TARS1: variants seen among roughly 807,000 people sequenced by gnomAD.
The protein encoded by TARS1 is threonyl-tRNA synthetase 1, also known as threonine--tRNA ligase 1, cytoplasmic.
Under a neutral mutation model 97.7 loss-of-function variants are expected in TARS1, and 57 were observed. The observed-to-expected ratio is 0.58, with a 90% CI of 0.47 to 0.73. TARS1 has a LOEUF of 0.73. Among genes scored for constraint, TARS1 ranks in the 30% least tolerant of loss-of-function variants. The pLI, the probability that TARS1 is intolerant of heterozygous loss-of-function variation, is 0.00. For synonymous variants in TARS1, 312 were observed against 293.7 expected, an observed-to-expected ratio of 1.06 and a Z score of -0.64; for missense variants, 806 against 888.3, an observed-to-expected ratio of 0.91 and a Z score of 1.18.
rs1460537460 is a variant in TARS1, at chr5:33,458,660, TTAGGG to T, written c.1082_1083+3del. ...ATTTATAATGCACTTATTGAATTCA[TTAGGG>T]TAAGTCATATTTATTGCTTTCTTCT... On this transcript the variant is annotated splice_donor_variant and coding_sequence_variant, in exon 10 of 19. Transcript: ENST00000265112. LOFTEE classifies it high-confidence loss of function. The T allele has an allele frequency of 3.7e-6, 6 of 1,609,342 alleles. No individual in the cohort carries two copies. Among genetic ancestry groups the T allele is most frequent in the Non-Finnish European group, 5.1e-6 (6 of 1,176,766 alleles).
chr5:33,461,528 G>T, intron 13 of TARS1, 139 bp from the exon 14 acceptor site: 2 of 991,998 alleles, frequency 2.0e-6, no homozygotes, highest in Non-Finnish European at 3.0e-6. Flanking sequence ...GTTGGTATGA[G>T]CATATGTTCA....
In TARS1 at chr5:33,462,156, A is replaced by C; in HGVS notation, c.1788A>C (p.Ser596=). The change falls in exon 16 of 19, where the codon TCA becomes TCC. Residue 596 remains serine, a synonymous_variant. Transcript: ENST00000265112. ...TTGTTCATCGAGCCATCTTGGGATCAGTGGAAAGAATGATTGCTATCCTCA... is the reference window on the plus strand; with the variant it reads ...TTGTTCATCGAGCCATCTTGGGATCCGTGGAAAGAATGATTGCTATCCTCA... The part of the protein sequence containing the change: ...PVIVHRAILG[S]VERMIAILTE... 6.2e-7 allele frequency: 1 copy of C among 1,613,164 alleles called. No homozygotes were observed. The highest frequency in any genetic ancestry group is 8.5e-7 in the Non-Finnish European group (1 of 1,179,922).
At chr5:33,459,901 T>A in intron 11 of TARS1, 40 bp downstream of exon 11, 1 of 1,591,100 alleles carries the variant, frequency 6.3e-7, no homozygotes, top group Non-Finnish European at 8.6e-7. Context: ...GATTTTCACA[T>A]GCTACAATTC....
At chr5:33,464,837 G>T (rs1284541051) in intron 17 of TARS1, among the ~76,000 whole-genome samples, 1 of 152,084 alleles carries the variant, frequency 6.6e-6, no homozygotes, top group East Asian at 1.9e-4. Flanking sequence ...CAGCACTTTG[G>T]GAGGCCGAGG....
At position 33,441,010 on chromosome 5, in the gene TARS1, C is replaced by T. The variant is rs887037584; in HGVS notation, c.-77C>T. On this transcript the variant is annotated 5_prime_UTR_variant, in exon 1 of 19. Transcript: ENST00000265112. ...CCGAGGCCAAGTCCCGGGCGCTAGCCCACCTCCCACCCGCCTCTTGGCTCC... is the reference window on the plus strand; with the variant it reads ...CCGAGGCCAAGTCCCGGGCGCTAGCTCACCTCCCACCCGCCTCTTGGCTCC... 124 of 1,590,578 alleles carry T rather than the reference C, an allele frequency of 7.8e-5. No homozygotes were observed. Among genetic ancestry groups the T allele is most frequent in the Admixed American group, 1.9e-4 (11 of 59,414 alleles).
intron 17 of TARS1, 142 bp from the exon 18 acceptor site, chr5:33,466,729 A>G (rs1399166953): frequency 4.2e-6 from 2 of 481,142 alleles, no homozygotes; most frequent in Admixed American, 4.2e-5. Context: ...AGTGAATAAT[A>G]TTATCTAAGA....
intron 4 of TARS1, among the ~76,000 whole-genome samples, chr5:33,453,911 G>T (rs1219116109): frequency 1.3e-5 from 2 of 151,764 alleles, no homozygotes; most frequent in Admixed American, 1.3e-4. Context: ...GTAGAGATGG[G>T]GTTTCACCAT....
intron 9 of TARS1, among the ~76,000 whole-genome samples, chr5:33,458,096 T>C (rs1742116623): frequency 6.6e-6 from 1 of 152,204 alleles, no homozygotes; most frequent in African/African-American, 2.4e-5. Context: ...GGTGTGTTTC[T>C]TTCACCATGA....
At chr5:33,442,073 A>G (rs746465323) in intron 1 of TARS1, among the ~76,000 whole-genome samples, 12 of 152,220 alleles carry the variant, frequency 7.9e-5, no homozygotes, top group Non-Finnish European at 1.6e-4. Flanking sequence ...GTTAGGCCAC[A>G]TGCAGAAGGC....
chr5:33,443,717 G>T (rs896454134), intron 1 of TARS1, among the ~76,000 whole-genome samples: 1 of 151,842 alleles, frequency 6.6e-6, no homozygotes, highest in African/African-American at 2.4e-5. Flanking sequence ...GGATGGTCTC[G>T]ATCTCCTGAC....
At position 33,461,895 on chromosome 5, in the gene TARS1, T is replaced by G; in HGVS notation, c.1630-11T>G. ...CTGGCATTTTATAATAACCCAGTCT[T>G]TGCTTCTTAGATTGACATACAGATT... On this transcript the variant is annotated splice_polypyrimidine_tract_variant and intron_variant, in intron 14 of 18. Coordinates refer to ENST00000265112, the MANE Select transcript of TARS1 (RefSeq NM_152295.5). The G allele has an allele frequency of 6.2e-7, 1 of 1,611,140 alleles. No homozygotes were observed. The highest frequency in any genetic ancestry group is 1.1e-5 in the South Asian group (1 of 91,004).
rs577702846 is a variant in TARS1 at position 33,448,879 on chromosome 5, A to T, written c.329+148A>T. 3.0e-5 allele frequency: 18 copies of T among 598,564 alleles called. No individual in the cohort carries two copies. In the East Asian group the frequency reaches 3.6e-4, roughly 12 times the overall value. 37.1% of individuals were successfully genotyped at this position (598,564 alleles called of 1,614,324 possible). ...TAATTTTGCCTACTTGAGATTTTTTAAAAATCAAAATGATACAGAGCTTTG... is the reference window on the plus strand; with the variant it reads ...TAATTTTGCCTACTTGAGATTTTTTTAAAATCAAAATGATACAGAGCTTTG... On this transcript the variant is annotated intron_variant, in intron 3 of 18. Coordinates refer to ENST00000265112, the MANE Select transcript of TARS1 (RefSeq NM_152295.5).
In TARS1 at chr5:33,461,912, A is replaced by G. The variant is rs72737350; in HGVS notation, c.1636A>G (p.Ile546Val). ...DGAFYGPKID[I>V]QIKDAIGRYH... Reference sequence around the variant, plus strand: ...CCCAGTCTTTGCTTCTTAGATTGACATACAGATTAAAGATGCGATTGGGCG... The same window carrying G: ...CCCAGTCTTTGCTTCTTAGATTGACGTACAGATTAAAGATGCGATTGGGCG... The change falls in exon 15 of 19, where the codon ATA (isoleucine) becomes GTA (valine). Residue 546 changes from isoleucine (I) to valine (V), a missense_variant. Ile to Val is a conservative substitution (Grantham distance 29). Around this residue, in one of 3 missense-constraint regions of TARS1, gnomAD observed 446 missense variants for 511.0 expected, o/e 0.87. Coordinates refer to ENST00000265112, the MANE Select transcript of TARS1 (RefSeq NM_152295.5). 3.3e-5 allele frequency: 53 copies of G among 1,613,586 alleles called. No individual in the cohort carries two copies. The highest frequency in any genetic ancestry group is 4.2e-5 in the Non-Finnish European group (50 of 1,179,532).
At position 33,463,914 on chromosome 5, in the gene TARS1, G is replaced by A. The variant is rs552757508; in HGVS notation, c.1908+89G>A. ...AAGCCCTGTATTCTTGGTGAATCGAGCTGTTGTGATAAAGAGAAATGTTAC... is the reference window on the plus strand; with the variant it reads ...AAGCCCTGTATTCTTGGTGAATCGAACTGTTGTGATAAAGAGAAATGTTAC... On this transcript the variant is annotated intron_variant, in intron 17 of 18. Coordinates refer to ENST00000265112, the MANE Select transcript of TARS1 (RefSeq NM_152295.5). The A allele has an allele frequency of 2.4e-4, 274 of 1,141,010 alleles. No homozygotes were observed. In the African/African-American group the frequency reaches 4.0e-3, roughly 17 times the overall value. The allele number at this position is 1,141,010 out of a possible 1,614,324, so 70.7% of individuals were successfully genotyped here. A position where few individuals can be genotyped will look rare whatever the true frequency, so the allele number is the denominator to read the frequency against.
chr5:33,461,951 G>A lies in TARS1; in HGVS notation c.1675G>A (p.Ala559Thr). Residue 559 changes from alanine (A) to threonine (T), a missense_variant, in exon 15 of 19, where the codon GCA (alanine) becomes ACA (threonine). This residue lies in a region of TARS1 where 446 missense variants were observed against 511.0 expected (regional missense o/e 0.87). Coordinates refer to ENST00000265112, the MANE Select transcript of TARS1 (RefSeq NM_152295.5). The part of the protein sequence containing the change: ...KDAIGRYHQC[A>T]TIQLDFQLPI... ...TGCGATTGGGCGGTACCACCAGTGT[G>A]CAACCATCCAGCTGGATTTCCAGTT... is the stretch of plus-strand genomic sequence containing the variant. 3 of 1,614,090 alleles carry A rather than the reference G, an allele frequency of 1.9e-6. No individual in the cohort carries two copies. Among genetic ancestry groups the A allele is most frequent in the Non-Finnish European group, 2.5e-6 (3 of 1,179,964 alleles).
intron 4 of TARS1, among the ~76,000 whole-genome samples, 171 bp downstream of exon 4, chr5:33,453,583 T>A (rs900833522): frequency 6.6e-6 from 1 of 152,198 alleles, no homozygotes; most frequent in Non-Finnish European, 1.5e-5. Flanking sequence ...AGTGCTTGCC[T>A]TAGAAAATAA....
chr5:33,459,201 T>C (rs569078319), intron 10 of TARS1, among the ~76,000 whole-genome samples: 5 of 152,316 alleles, frequency 3.3e-5, no homozygotes, highest in African/African-American at 1.2e-4. Context: ...GTATATCATA[T>C]ACCAGTTTTC....
Position 33,467,869 on chromosome 5 carries a change from T to A in TARS1, c.*161T>A. On this transcript the variant is annotated 3_prime_UTR_variant, in exon 19 of 19. Coordinates refer to ENST00000265112, the MANE Select transcript of TARS1 (RefSeq NM_152295.5). ...CGTAACTATTTTTGACCTAGTCAGT[T>A]TTTAAACAATGTGCATTTGAAGGAG... 3.1e-6 allele frequency: 2 copies of A among 651,790 alleles called. No homozygotes were observed. The highest frequency in any genetic ancestry group is 4.9e-6 in the Non-Finnish European group (2 of 411,166). The allele number at this position is 651,790 out of a possible 1,614,324, so 40.4% of individuals were successfully genotyped here.
intron 14 of TARS1, 35 bp from the exon 15 acceptor site, chr5:33,461,871 T>C: frequency 6.2e-7 from 1 of 1,602,382 alleles, no homozygotes; most frequent in African/African-American, 1.3e-5. Flanking sequence ...TTAGTATCAC[T>C]GGCATTTTAT....
Sources: allele counts gnomAD v4.1 joint callset (sites outside exome capture counted in the v4.1 genomes callset), GRCh38; gene constraint gnomAD v4.1.1; regional missense constraint gnomAD v4.1.1; transcripts MANE v1.5; gene names NCBI Gene and HGNC (gene_info 2026-07-23, HGNC 2026-07-21).